Variants in FTO observed in about 807,000 individuals in gnomAD.
FTO encodes the protein alpha-ketoglutarate-dependent dioxygenase FTO.
In FTO, 47 loss-of-function variants were observed where a neutral mutation model predicts 63.9. That is an observed-to-expected ratio of 0.74 (90% CI 0.58 to 0.94). FTO has a LOEUF of 0.94. Among genes scored for constraint, FTO ranks in the 40% least tolerant of loss-of-function variants. The pLI is 0.00. For synonymous variants in FTO, 207 were observed against 224.4 expected, an observed-to-expected ratio of 0.92 and a Z score of 0.69; for missense variants, 562 against 618.1, an observed-to-expected ratio of 0.91 and a Z score of 0.96.
intron 2 of FTO, among the ~76,000 whole-genome samples, chr16:53,815,652 T>G (rs958334573): frequency 1.9e-5 from 1 of 53,164 alleles, no homozygotes; most frequent in African/African-American, 4.5e-5. Context: ...TTTTTTTTTT[T>G]TTTTTTTTTT....
chr16:53,799,618 T>TA (rs1378089233), intron 1 of FTO, among the ~76,000 whole-genome samples: 1 of 152,122 alleles, frequency 6.6e-6, no homozygotes, highest in Non-Finnish European at 1.5e-5. Context: ...AGTAGAGGGA[T>TA]AACACAAAAG....
At chr16:53,851,787 A>G (rs1485995618) in intron 4 of FTO, among the ~76,000 whole-genome samples, 1 of 152,106 alleles carries the variant, frequency 6.6e-6, no homozygotes. Flanking sequence ...AAAATACTAC[A>G]TGCACAAGGA....
chr16:53,803,066 T>C (rs1598703033), intron 1 of FTO, among the ~76,000 whole-genome samples: 2 of 152,378 alleles, frequency 1.3e-5, no homozygotes, highest in South Asian at 4.1e-4. Context: ...ATCAGTCATA[T>C]TGTCTTGCCT....
chr16:53,875,993 T>C (rs1000209725), intron 5 of FTO, among the ~76,000 whole-genome samples: 1 of 152,162 alleles, frequency 6.6e-6, no homozygotes, highest in African/African-American at 2.4e-5. Context: ...CCGGCCTAGA[T>C]TTTAGTTTTT....
At chr16:53,949,697 CAA>C (rs11344563) in intron 8 of FTO, among the ~76,000 whole-genome samples, 67,549 of 129,996 alleles carry the variant, frequency 0.52, 16,863 homozygotes, top group Middle Eastern at 0.68. Context: ...GCAGTTTGTG[CAA>C]AAAAAAAAAA....
intron 6 of FTO, among the ~76,000 whole-genome samples, chr16:53,884,295 G>A (rs895899881): frequency 4.6e-5 from 7 of 152,182 alleles, no homozygotes; most frequent in African/African-American, 1.7e-4. Flanking sequence ...ATAGTAAAAT[G>A]TGGAATTCAG....
At chr16:53,974,920 A>G (rs1393021871) in intron 8 of FTO, among the ~76,000 whole-genome samples, 3 of 152,198 alleles carry the variant, frequency 2.0e-5, no homozygotes, top group African/African-American at 7.2e-5. Context: ...TTCCATTACA[A>G]CGTATGCAGA....
intron 8 of FTO, among the ~76,000 whole-genome samples, chr16:53,951,613 A>G (rs2082802843): frequency 6.6e-6 from 1 of 152,198 alleles, no homozygotes; most frequent in East Asian, 1.9e-4. Flanking sequence ...ATAGGGAGAC[A>G]TTTGAAATTC....
chr16:53,955,574 G>C (rs1434211443), intron 8 of FTO, among the ~76,000 whole-genome samples: 4 of 152,178 alleles, frequency 2.6e-5, no homozygotes, highest in African/African-American at 9.7e-5. Flanking sequence ...TCATCATGGA[G>C]TTTGCTGACA....
At chr16:53,907,296 G>A (rs894478446) in intron 7 of FTO, among the ~76,000 whole-genome samples, 6 of 152,192 alleles carry the variant, frequency 3.9e-5, no homozygotes, top group Non-Finnish European at 7.3e-5. Context: ...CCCTTGGCAA[G>A]ATCATCTAAG....
At chr16:54,016,305 A>C (rs1421870298) in intron 8 of FTO, among the ~76,000 whole-genome samples, 4 of 148,118 alleles carry the variant, frequency 2.7e-5, no homozygotes, top group Non-Finnish European at 6.0e-5. Context: ...AAAAAAAAAA[A>C]AAAAAAAAAA....
At chr16:53,884,924 T>C (rs2080959427) in intron 6 of FTO, among the ~76,000 whole-genome samples, 1 of 152,212 alleles carries the variant, frequency 6.6e-6, no homozygotes, top group South Asian at 2.1e-4. Context: ...ACCCGTGGAA[T>C]GTTCCTTGGC....
chr16:54,095,269 A>G (rs1399845220), intron 8 of FTO, among the ~76,000 whole-genome samples: 1 of 152,062 alleles, frequency 6.6e-6, no homozygotes, highest in Non-Finnish European at 1.5e-5. Flanking sequence ...AGAACTCCTG[A>G]CCTTAAGGGA....
intron 8 of FTO, among the ~76,000 whole-genome samples, chr16:54,005,089 A>G (rs2084168553): frequency 6.7e-6 from 1 of 148,974 alleles, no homozygotes; most frequent in East Asian, 2.0e-4. Flanking sequence ...AAAAAAAAAA[A>G]GAAACAAATT....
intron 1 of FTO, among the ~76,000 whole-genome samples, chr16:53,760,000 G>A (rs1357096304): frequency 5.9e-5 from 9 of 152,126 alleles, no homozygotes; most frequent in Admixed American, 2.0e-4. Context: ...TTGGGATTGA[G>A]AGAAAGAATC....
At chr16:53,953,107 A>G in intron 8 of FTO, among the ~76,000 whole-genome samples, 1 of 152,252 alleles carries the variant, frequency 6.6e-6, no homozygotes, top group East Asian at 1.9e-4. Flanking sequence ...GGGCTCAAAG[A>G]GGAAAACTGC....
intron 7 of FTO, among the ~76,000 whole-genome samples, chr16:53,932,464 A>C (rs2082307061): frequency 6.6e-6 from 1 of 150,472 alleles, no homozygotes; most frequent in African/African-American, 2.5e-5. Context: ...ATCTCAGCTC[A>C]TGCAAACTCC....
chr16:53,721,619 C>A (rs1476417568), intron 1 of FTO, among the ~76,000 whole-genome samples: 2 of 151,920 alleles, frequency 1.3e-5, no homozygotes, highest in African/African-American at 4.8e-5. Context: ...CTGAGAGTTC[C>A]CATGTTCTTT....
chr16:54,093,571 G>T (rs1016949342), intron 8 of FTO, among the ~76,000 whole-genome samples: 4 of 152,130 alleles, frequency 2.6e-5, no homozygotes, highest in Non-Finnish European at 1.5e-5. Context: ...GTGAGGAGCC[G>T]AACTTCTCCA....
Sources: gnomAD v4.1 joint callset for allele counts (sites outside exome capture counted in the v4.1 genomes callset) on GRCh38, gnomAD v4.1.1 for gene constraint, MANE v1.5 for transcripts, NCBI Gene and HGNC (gene_info 2026-07-23, HGNC 2026-07-21) for gene names.